The following TRIOBP variants were observed in gnomAD, a reference collection of about 807,000 sequenced individuals.
TRIOBP encodes TRIO and F-actin binding protein.
In TRIOBP, 169 loss-of-function variants were observed where a neutral mutation model predicts 238.8. That is an observed-to-expected ratio of 0.71 (90% confidence interval 0.62 to 0.80). The LOEUF is 0.80. Among genes scored for constraint, TRIOBP ranks in the 30% least tolerant of loss-of-function variants. The pLI is 0.00. For missense variants in TRIOBP, 2,838 were observed against 3,122.6 expected (o/e 0.91, Z 2.17); for synonymous variants, 1,150 against 1,274.4 (o/e 0.90, Z 2.08).
At chr22:37,698,438 C>T (rs1922469838) in intron 2 of TRIOBP, among the ~76,000 whole-genome samples, 2 of 145,744 alleles carry the variant, frequency 1.4e-5, no homozygotes, top group South Asian at 2.2e-4. Context: ...ACTGCAACCT[C>T]CACCTCCTGG....
Position 37,774,524 on chromosome 22 carries a change from T to C in TRIOBP, c.*744T>C, listed in dbSNP as rs942143104. 3 of 152,226 alleles carry C rather than the reference T, an allele frequency of 2.0e-5. No individual in the cohort carries two copies. Among genetic ancestry groups the C allele is most frequent in the African/African-American group, 7.2e-5 (3 of 41,448 alleles). The allele number at this position is 152,226 out of a possible 1,614,324, so 9.4% of individuals were successfully genotyped here. A position where few individuals can be genotyped will look rare whatever the true frequency, so the allele number is the denominator to read the frequency against. ...GTTCCAGCAGCTCTGGTGTCCTAGA[T>C]GGCTGGCAGAACAGGAATGGAGATT... On this transcript the variant is annotated 3_prime_UTR_variant, in exon 24 of 24. Transcript: ENST00000644935.
At chr22:37,713,015 A>T (rs1923337003) in intron 4 of TRIOBP, among the ~76,000 whole-genome samples, 195 bp from the exon 5 acceptor site, 1 of 151,778 alleles carries the variant, frequency 6.6e-6, no homozygotes, top group African/African-American at 2.4e-5. Context: ...TTACAAAAAA[A>T]AAAGGGATGC....
chr22:37,761,473 C>CA (rs1026616036), intron 17 of TRIOBP, among the ~76,000 whole-genome samples: 2 of 151,828 alleles, frequency 1.3e-5, no homozygotes, highest in Admixed American at 1.3e-4. Context: ...ACAAAACAAA[C>CA]AAAAAAAGAG....
intron 11 of TRIOBP, among the ~76,000 whole-genome samples, chr22:37,742,867 C>G (rs1925007626): frequency 6.6e-6 from 1 of 152,176 alleles, no homozygotes. Flanking sequence ...GATCCACACT[C>G]CCAGGTGCAG....
intron 9 of TRIOBP, among the ~76,000 whole-genome samples, chr22:37,736,389 A>G (rs565671690): frequency 5.6e-4 from 85 of 152,174 alleles, no homozygotes; most frequent in African/African-American, 2.0e-3. Flanking sequence ...CATCTCCTAG[A>G]TGCAAAGTCC....
chr22:37,728,182 A>G (rs1924267285), intron 7 of TRIOBP, among the ~76,000 whole-genome samples: 1 of 151,114 alleles, frequency 6.6e-6, no homozygotes, highest in Non-Finnish European at 1.5e-5. Flanking sequence ...TCCCTCCTGT[A>G]ATCCCAGCAC....
intron 6 of TRIOBP, among the ~76,000 whole-genome samples, chr22:37,721,614 A>G (rs1923834704): frequency 6.6e-6 from 1 of 152,094 alleles, no homozygotes; most frequent in African/African-American, 2.4e-5. Context: ...GGTAGCTGGG[A>G]CTACAGGCAC....
At chr22:37,703,041 G>A in intron 3 of TRIOBP, among the ~76,000 whole-genome samples, 1 of 151,458 alleles carries the variant, frequency 6.6e-6, no homozygotes, top group East Asian at 1.9e-4. Context: ...CTGTCGCCAG[G>A]CTAGAGTTCA....
At position 37,740,999 on chromosome 22, in the gene TRIOBP, C is replaced by A; in HGVS notation, c.5289C>A (p.Phe1763Leu). 6 of 1,561,106 alleles carry A rather than the reference C, an allele frequency of 3.8e-6. No individual in the cohort carries two copies. Among genetic ancestry groups the A allele is most frequent in the Non-Finnish European group, 5.2e-6 (6 of 1,152,086 alleles). Residue 1763 changes from phenylalanine (F) to leucine (L), a missense_variant, in exon 11 of 24, where the codon TTC (phenylalanine) becomes TTA (leucine). Physicochemically the swap from Phe to Leu is conservative, Grantham distance 22. Transcript: ENST00000644935. ...PGDRPTLFNP[F>L]LLSLGVLRWR... ...ACCGGCCCACGCTGTTCAATCCGTT[C>A]CTGCTGTCTCTGGGGGTCCTCAGGT...
intron 11 of TRIOBP, among the ~76,000 whole-genome samples, chr22:37,742,365 C>G (rs1168373360): frequency 6.6e-6 from 1 of 150,614 alleles, no homozygotes; most frequent in African/African-American, 2.4e-5. Context: ...CAGGTTCAAG[C>G]GATTCTGCCA....
chr22:37,765,736 C>T lies in TRIOBP; in HGVS notation c.6391C>T (p.Arg2131Trp), dbSNP rs1392355354. The change falls in exon 18 of 24, where the codon CGG becomes TGG. Residue 2131 changes from arginine (R) to tryptophan (W), a missense_variant. Around this residue, in one of 5 missense-constraint regions of TRIOBP, gnomAD observed 2,096 missense variants for 2,137.4 expected, o/e 0.98. Coordinates refer to ENST00000644935, the MANE Select transcript of TRIOBP (RefSeq NM_001039141.3). ...SHQQVMEELQ[R>W]HHERELQRLQ... ...CCAGCAGGTGATGGAGGAGCTGCAG[C>T]GGCACCACGAGCGGGAGCTGCAGCG... 6 of 1,567,740 alleles carry T rather than the reference C, an allele frequency of 3.8e-6. No individual in the cohort carries two copies. The highest frequency in any genetic ancestry group is 1.2e-5 in the South Asian group (1 of 85,368).
intron 15 of TRIOBP, among the ~76,000 whole-genome samples, chr22:37,757,223 C>T (rs957720644): frequency 2.0e-5 from 3 of 152,052 alleles, no homozygotes; most frequent in Admixed American, 6.6e-5. Context: ...ATTAGCTGGG[C>T]GTGGTGGTGC....
chr22:37,748,348 G>T (rs1925391436), intron 11 of TRIOBP, among the ~76,000 whole-genome samples: 1 of 152,176 alleles, frequency 6.6e-6, no homozygotes, highest in East Asian at 1.9e-4. Flanking sequence ...AGTGGCACAG[G>T]TGTGTGAGTG....
At position 37,719,874 on chromosome 22, in the gene TRIOBP, G is replaced by A. The variant is rs770193764; in HGVS notation, c.629-3311G>A. Among the ~76,000 whole-genome samples, 21 of 147,098 alleles carry A rather than the reference G, an allele frequency of 1.4e-4. No individual in the cohort carries two copies. The South Asian group carries it at 2.6e-3, about 18-fold the overall frequency. On this transcript the variant is annotated intron_variant, in intron 6 of 23. Transcript: ENST00000644935. Reference sequence around the variant, plus strand: ...ACTGTCTGGGAAAAACCATGACTCCGGAGTCCACATCTCTGGCCTTGATTT... The same window carrying A: ...ACTGTCTGGGAAAAACCATGACTCCAGAGTCCACATCTCTGGCCTTGATTT...
Position 37,759,576 on chromosome 22 carries a change from A to G in TRIOBP, c.6324+312A>G, listed in dbSNP as rs1926134989. 1.9e-6 allele frequency: 3 copies of G among 1,589,812 alleles called. No individual in the cohort carries two copies. In the South Asian group the frequency reaches 3.3e-5, roughly 18 times the overall value. On this transcript the variant is annotated intron_variant, in intron 17 of 23. Transcript: ENST00000644935. ...GCCTGTGTGTGAGTCCCCGTGTGACACTCTGCACTTGGACCCTTGCCCCGG... is the reference window on the plus strand; with the variant it reads ...GCCTGTGTGTGAGTCCCCGTGTGACGCTCTGCACTTGGACCCTTGCCCCGG...
At chr22:37,750,391 T>C (rs56116014) in intron 11 of TRIOBP, among the ~76,000 whole-genome samples, 14,466 of 152,196 alleles carry the variant, frequency 0.095, 2,364 homozygotes, top group African/African-American at 0.33. Flanking sequence ...GGGGTAGATA[T>C]TTCCTCAGCA....
chr22:37,721,558 A>G (rs1167565133), intron 6 of TRIOBP, among the ~76,000 whole-genome samples: 2 of 151,890 alleles, frequency 1.3e-5, no homozygotes, highest in Non-Finnish European at 2.9e-5. Context: ...GCTCACTGCA[A>G]CCTCCACCTC....
intron 2 of TRIOBP, among the ~76,000 whole-genome samples, chr22:37,701,084 G>A (rs376079409): frequency 1.3e-5 from 2 of 152,216 alleles, no homozygotes; most frequent in African/African-American, 2.4e-5. Context: ...ACTAGAAATC[G>A]CACATCAAAT....
At chr22:37,711,595 A>G (rs1923244574) in intron 4 of TRIOBP, among the ~76,000 whole-genome samples, 2 of 137,732 alleles carry the variant, frequency 1.5e-5, no homozygotes, top group African/African-American at 5.5e-5. Context: ...AAAAAAAACA[A>G]CAAAAAAAAA....
Sources: gnomAD v4.1 joint callset for allele counts (sites outside exome capture counted in the v4.1 genomes callset) on GRCh38, gnomAD v4.1.1 for gene constraint, gnomAD v4.1.1 regional missense constraint, MANE v1.5 for transcripts, NCBI Gene and HGNC (gene_info 2026-07-23, HGNC 2026-07-21) for gene names.